The following SH3RF3 variants were observed in gnomAD, a reference collection of about 807,000 sequenced individuals.
The protein encoded by SH3RF3 is SH3 domain containing ring finger 3, also known as E3 ubiquitin-protein ligase SH3RF3.
In SH3RF3, 29 loss-of-function variants were observed where a neutral mutation model predicts 66.3. The ratio of observed to expected loss-of-function variants is 0.44; its 90% CI spans 0.33 to 0.60. SH3RF3 has a LOEUF of 0.60. Among genes scored for constraint, SH3RF3 ranks in the 20% least tolerant of loss-of-function variants. The probability of loss-of-function intolerance (pLI) is 0.04; values close to 1 mark genes in which losing one functional copy is unlikely to be tolerated. For synonymous variants in SH3RF3, 583 were observed against 532.0 expected, an observed-to-expected ratio of 1.10 and a Z score of -1.32; for missense variants, 1,194 against 1,190.9, an observed-to-expected ratio of 1.00 and a Z score of -0.04.
intron 1 of SH3RF3, among the ~76,000 whole-genome samples, chr2:109,205,655 G>C (rs879517161): frequency 6.6e-6 from 1 of 152,178 alleles, no homozygotes; most frequent in Non-Finnish European, 1.5e-5. Flanking sequence ...GGCTCAGTCT[G>C]TTGGTGTCAG....
intron 1 of SH3RF3, among the ~76,000 whole-genome samples, chr2:109,186,571 GCAAA>G (rs1348698107): frequency 1.3e-5 from 2 of 152,174 alleles, no homozygotes; most frequent in Non-Finnish European, 2.9e-5. Context: ...AACCAGTAAA[GCAAA>G]CAAATAACCT....
intron 1 of SH3RF3, among the ~76,000 whole-genome samples, chr2:109,257,323 A>G (rs1680243895): frequency 6.9e-6 from 1 of 144,488 alleles, no homozygotes; most frequent in African/African-American, 2.7e-5. Flanking sequence ...AGAGGGAAGG[A>G]GGAATGAAGG....
chr2:109,449,048 AC>A, intron 7 of SH3RF3, 121 bp from the exon 8 acceptor site: 2 of 1,195,524 alleles, frequency 1.7e-6, no homozygotes, highest in Non-Finnish European at 2.3e-6. Context: ...GTCTGGAGAA[AC>A]TTCAGAGAGA....
chr2:109,455,287 C>A (rs570212603), intron 8 of SH3RF3, among the ~76,000 whole-genome samples: 24 of 152,254 alleles, frequency 1.6e-4, no homozygotes, highest in African/African-American at 5.3e-4. Context: ...AGGTGTCTGC[C>A]TTCTGGGTCC....
chr2:109,235,992 G>C (rs1033083632), intron 1 of SH3RF3, among the ~76,000 whole-genome samples: 1 of 152,030 alleles, frequency 6.6e-6, no homozygotes, highest in Non-Finnish European at 1.5e-5. Context: ...TTAAGAGGCT[G>C]TGGGGTTGGT....
rs564597363 is a variant in SH3RF3 at position 109,384,208 on chromosome 2, C to T, written c.945+12527C>T. Reference sequence around the variant, plus strand: ...TAAGCGCCGGCTGCGGGCCAGGCCCCGGGGATGCAGCCTGAATGAAGCAGA... The same window carrying T: ...TAAGCGCCGGCTGCGGGCCAGGCCCTGGGGATGCAGCCTGAATGAAGCAGA... On this transcript the variant is annotated intron_variant, in intron 3 of 9. Transcript: ENST00000309415. Among the ~76,000 whole-genome samples, 11 of 152,290 alleles carry T rather than the reference C, an allele frequency of 7.2e-5. 1 individual carries two copies. In the South Asian group the frequency reaches 1.9e-3, roughly 26 times the overall value.
chr2:109,398,317 T>C (rs897539393), intron 3 of SH3RF3, among the ~76,000 whole-genome samples: 3 of 152,256 alleles, frequency 2.0e-5, no homozygotes, highest in East Asian at 1.9e-4. Context: ...GTTGAAAAGA[T>C]TGGGGCGACA....
rs1677733451 is a variant in SH3RF3 at position 109,170,244 on chromosome 2, T to TTCTCTTCTC, written c.573+40132_573+40133insCTCTTCTCT. ...TTTCTCTTCTCTTCTCTTCTTTTCT[T>TTCTCTTCTC]TTCTCTTCTCTTCTCTTCTCTTCTC... is the stretch of plus-strand genomic sequence containing the variant. On this transcript the variant is annotated intron_variant, in intron 1 of 9. Coordinates refer to ENST00000309415, the MANE Select transcript of SH3RF3 (RefSeq NM_001099289.3). Among the ~76,000 whole-genome samples the TTCTCTTCTC allele has an allele frequency of 4.0e-3, 132 of 32,982 alleles. 2 individuals are homozygous for TTCTCTTCTC. The highest frequency in any genetic ancestry group is 4.7e-3 in the Admixed American group (13 of 2,782). The allele number at this position is 32,982 out of a possible 152,430, so 21.6% of individuals were successfully genotyped here. A position where few individuals can be genotyped will look rare whatever the true frequency, so the allele number is the denominator to read the frequency against.
chr2:109,221,164 A>C (rs1374327587), intron 1 of SH3RF3, among the ~76,000 whole-genome samples: 1 of 152,256 alleles, frequency 6.6e-6, no homozygotes, highest in Non-Finnish European at 1.5e-5. Flanking sequence ...AGTCATGCAC[A>C]GAGGAACCAT....
chr2:109,180,349 C>T (rs1038381418), intron 1 of SH3RF3, among the ~76,000 whole-genome samples: 2 of 152,150 alleles, frequency 1.3e-5, no homozygotes, highest in African/African-American at 4.8e-5. Flanking sequence ...GATTCCATTT[C>T]CCAAAAGGGA....
At chr2:109,179,415 G>T (rs1003556750) in intron 1 of SH3RF3, among the ~76,000 whole-genome samples, 1 of 152,164 alleles carries the variant, frequency 6.6e-6, no homozygotes, top group Non-Finnish European at 1.5e-5. Flanking sequence ...TCGGAGCTGG[G>T]GGGTATCCCT....
intron 2 of SH3RF3, among the ~76,000 whole-genome samples, chr2:109,370,884 T>A (rs1178696332): frequency 6.6e-6 from 1 of 152,246 alleles, no homozygotes; most frequent in East Asian, 1.9e-4. Flanking sequence ...TGCCCATGAC[T>A]CTAAATAAAT....
At chr2:109,377,880 C>T (rs1683426094) in intron 3 of SH3RF3, among the ~76,000 whole-genome samples, 2 of 152,224 alleles carry the variant, frequency 1.3e-5, no homozygotes, top group Admixed American at 1.3e-4. Flanking sequence ...CTTAAGTATG[C>T]TCTTGAGACG....
intron 8 of SH3RF3, among the ~76,000 whole-genome samples, chr2:109,466,795 ATCTATATGTGTGTATG>A (rs960535454): frequency 2.6e-5 from 4 of 151,816 alleles, no homozygotes; most frequent in Admixed American, 6.6e-5. Flanking sequence ...GCATGTGTGT[ATCTATATGTGTGTATG>A]TCTATATGTG....
intron 3 of SH3RF3, among the ~76,000 whole-genome samples, chr2:109,379,912 G>A (rs1390610003): frequency 6.6e-6 from 1 of 152,162 alleles, no homozygotes; most frequent in Non-Finnish European, 1.5e-5. Flanking sequence ...AGTGGTCCAG[G>A]AGGCAAATTC....
At chr2:109,501,271 TAGATCAGCGTCTAAA>T (rs376484373) in intron 9 of SH3RF3, among the ~76,000 whole-genome samples, 21 of 152,288 alleles carry the variant, frequency 1.4e-4, no homozygotes, top group African/African-American at 4.3e-4. Flanking sequence ...AGCTTCTTCG[TAGATCAGCGTCTAAA>T]AGGACAGCAG....
At chr2:109,300,449 G>A (rs1016464036) in intron 1 of SH3RF3, among the ~76,000 whole-genome samples, 1 of 152,092 alleles carries the variant, frequency 6.6e-6, no homozygotes, top group African/African-American at 2.4e-5. Flanking sequence ...CAAAGTGCTG[G>A]GATTATAGGT....
intron 7 of SH3RF3, among the ~76,000 whole-genome samples, chr2:109,438,136 G>C (rs1040343091): frequency 2.0e-5 from 3 of 152,188 alleles, no homozygotes; most frequent in Admixed American, 2.0e-4. Context: ...CTCAAGTGTG[G>C]AAAGAGGAGA....
intron 4 of SH3RF3, among the ~76,000 whole-genome samples, chr2:109,415,651 A>G (rs1010205486): frequency 4.0e-4 from 61 of 152,206 alleles, no homozygotes; most frequent in African/African-American, 1.4e-3. Context: ...CCGTGCCCTC[A>G]GACTGAAGAC....
Sources: allele counts gnomAD v4.1 joint callset (sites outside exome capture counted in the v4.1 genomes callset), GRCh38; gene constraint gnomAD v4.1.1; transcripts MANE v1.5; gene names NCBI Gene and HGNC (gene_info 2026-07-23, HGNC 2026-07-21).